SVEP1: variants seen among roughly 807,000 people sequenced by gnomAD.
The protein encoded by SVEP1 is sushi, von Willebrand factor type A, EGF and pentraxin domain-containing protein 1.
A neutral mutation model predicts 367.3 loss-of-function variants in SVEP1; 164 were observed. That is an observed-to-expected ratio of 0.45 (90% CI 0.39 to 0.51). SVEP1 has a LOEUF of 0.51. Ranked by LOEUF, SVEP1 falls within the 20% of genes least tolerant of loss-of-function variation. The pLI is 0.00. For synonymous variants in SVEP1, 1,666 were observed against 1,611.6 expected (o/e 1.03, Z -0.81); for missense variants, 4,117 against 4,425.3 (o/e 0.93, Z 1.98).
chr9:110,459,012 C>T lies in SVEP1; in HGVS notation c.3424G>A (p.Ala1142Thr), dbSNP rs749549770. 1 of 1,613,820 alleles carries T rather than the reference C, an allele frequency of 6.2e-7. No individual in the cohort carries two copies. The highest frequency in any genetic ancestry group is 1.1e-5 in the South Asian group (1 of 91,076). The change falls in exon 19 of 48, where the codon GCC becomes ACC. Residue 1142 changes from alanine to threonine, a missense_variant. Physicochemically the swap from Ala to Thr is moderately conservative, Grantham distance 58 (BLOSUM62 0). Transcript: ENST00000374469. ...GGGGTAGTTCCATAAAAGGGACAGGCCAGGCAGAAGGCCTTCCCTGCATTA... is the reference window on the plus strand; with the variant it reads ...GGGGTAGTTCCATAAAAGGGACAGGTCAGGCAGAAGGCCTTCCCTGCATTA... ...QPNAGKAFCL[A>T]CPFYGTTPFA...
intron 46 of SVEP1, among the ~76,000 whole-genome samples, chr9:110,374,029 A>G (rs567572598): frequency 1.3e-5 from 2 of 152,168 alleles, no homozygotes; most frequent in African/African-American, 4.8e-5. Flanking sequence ...GTTCAAGGGT[A>G]CATGTGCAGG....
chr9:110,399,339 C>T (rs1431481531), intron 40 of SVEP1, among the ~76,000 whole-genome samples: 1 of 136,320 alleles, frequency 7.3e-6, no homozygotes, highest in Non-Finnish European at 1.6e-5. Flanking sequence ...ACACTGGGTC[C>T]TGTTGTGGGG....
At chr9:110,461,942 G>A (rs1253740034) in intron 18 of SVEP1, among the ~76,000 whole-genome samples, 1 of 152,044 alleles carries the variant, frequency 6.6e-6, no homozygotes, top group African/African-American at 2.4e-5. Context: ...AGCTTAAAAT[G>A]GGTTTCCTCA....
At chr9:110,525,764 A>G (rs1254574183) in intron 3 of SVEP1, among the ~76,000 whole-genome samples, 1 of 147,636 alleles carries the variant, frequency 6.8e-6, no homozygotes, top group Non-Finnish European at 1.5e-5. Context: ...TGCCTGGCTG[A>G]TTTTTTTTTT....
chr9:110,376,280 C>CT (rs1270895658), intron 45 of SVEP1, among the ~76,000 whole-genome samples: 1 of 125,798 alleles, frequency 7.9e-6, no homozygotes, highest in Non-Finnish European at 1.9e-5. Context: ...GCCAGACCAG[C>CT]TAAGGCAGCC....
chr9:110,539,908 G>C (rs1279101759), intron 3 of SVEP1, among the ~76,000 whole-genome samples: 3 of 151,956 alleles, frequency 2.0e-5, no homozygotes, highest in African/African-American at 7.2e-5. Flanking sequence ...CTAGACTATA[G>C]ACTGTGCAGC....
At chr9:110,547,713 T>C (rs745775129) in intron 2 of SVEP1, among the ~76,000 whole-genome samples, 27 of 152,154 alleles carry the variant, frequency 1.8e-4, no homozygotes, top group Non-Finnish European at 2.9e-4. Flanking sequence ...CTATCGAGAA[T>C]GGCCAGAAAC....
At chr9:110,539,036 G>A (rs1479833759) in intron 3 of SVEP1, among the ~76,000 whole-genome samples, 2 of 152,036 alleles carry the variant, frequency 1.3e-5, no homozygotes, top group East Asian at 1.9e-4. Flanking sequence ...AGGCAAACAT[G>A]AAAATCTTGC....
intron 8 of SVEP1, among the ~76,000 whole-genome samples, chr9:110,490,601 A>T (rs1829353105): frequency 6.6e-6 from 1 of 151,748 alleles, no homozygotes; most frequent in Non-Finnish European, 1.5e-5. Flanking sequence ...TATTTTGCTT[A>T]TTTATTATTT....
chr9:110,455,375 C>T (rs1470177637), intron 22 of SVEP1, among the ~76,000 whole-genome samples: 2 of 152,186 alleles, frequency 1.3e-5, no homozygotes, highest in Non-Finnish European at 2.9e-5. Context: ...AAAGCAATTA[C>T]ATACTGCCAT....
rs1338595754 is a variant in SVEP1 at position 110,386,087 on chromosome 9, A to G, written c.10061-13T>C. On this transcript the variant is annotated splice_polypyrimidine_tract_variant and intron_variant, in intron 42 of 47. Transcript: ENST00000374469. ...GGGCATGGATTTGCTGTCAAAAAGA[A>G]AAGAAAATGCTTACTGATATTTCCC... 6.2e-7 allele frequency: 1 copy of G among 1,603,018 alleles called. No individual in the cohort carries two copies. Among genetic ancestry groups the G allele is most frequent in the African/African-American group, 1.3e-5 (1 of 74,376 alleles).
At chr9:110,478,880 G>A (rs1829141503) in intron 13 of SVEP1, among the ~76,000 whole-genome samples, 1 of 151,694 alleles carries the variant, frequency 6.6e-6, no homozygotes, top group Non-Finnish European at 1.5e-5. Flanking sequence ...CCTTGAAGAT[G>A]TTCAATACAG....
At chr9:110,458,115 T>C in intron 20 of SVEP1, 1 of 499,188 alleles carries the variant, frequency 2.0e-6, no homozygotes, top group Non-Finnish European at 3.9e-6. Context: ...GTTGGGTAAC[T>C]CTGCCTGCCA....
Position 110,570,267 on chromosome 9 carries a change from T to A in SVEP1, c.531+8746A>T, listed in dbSNP as rs118112096. On this transcript the variant is annotated intron_variant, in intron 1 of 47. Transcript: ENST00000374469. The stretch of plus-strand genomic sequence containing the variant: ...TGTAGACATGTCTTCACCTGGCAGC[T>A]TACTAGAGAAAAGATGAAGAACCAT... Among the ~76,000 whole-genome samples the A allele has an allele frequency of 3.9e-5, 6 of 152,314 alleles. No individual in the cohort carries two copies. In the East Asian group the frequency reaches 1.2e-3, roughly 29 times the overall value.
intron 27 of SVEP1, among the ~76,000 whole-genome samples, chr9:110,440,086 C>A (rs766481737): frequency 2.2e-4 from 32 of 147,686 alleles, no homozygotes; most frequent in Non-Finnish European, 4.1e-4. Flanking sequence ...ATGAAATGAA[C>A]ACAAACCACT....
In SVEP1 at chr9:110,400,920, C is replaced by G. The variant is rs1027975929; in HGVS notation, c.9756G>C (p.Val3252=). 1 of 1,613,790 alleles carries G rather than the reference C, an allele frequency of 6.2e-7. No individual in the cohort carries two copies. The highest frequency in any genetic ancestry group is 8.5e-7 in the Non-Finnish European group (1 of 1,179,858). ...GKPESPEHGF[V]VGSKYTFEST... is the part of the protein sequence containing the mutation. ...TTTCAAAGGTGTATTTACTGCCAACCACAAATCCATGTTCTGGACTTTCAG... is the reference window on the plus strand; with the variant it reads ...TTTCAAAGGTGTATTTACTGCCAACGACAAATCCATGTTCTGGACTTTCAG... Residue 3252 remains valine, a synonymous_variant, in exon 40 of 48, where the codon GTG becomes GTC. Transcript: ENST00000374469.
chr9:110,413,487 C>G (rs1326915406), intron 36 of SVEP1, among the ~76,000 whole-genome samples: 1 of 151,128 alleles, frequency 6.6e-6, no homozygotes, highest in Non-Finnish European at 1.5e-5. Flanking sequence ...CACATGTATA[C>G]ATATGTAACT....
rs747748488 is a variant in SVEP1, at chr9:110,429,311, G to C, written c.5639C>G (p.Ala1880Gly). 9 of 1,581,060 alleles carry C rather than the reference G, an allele frequency of 5.7e-6. No individual in the cohort carries two copies. The highest frequency in any genetic ancestry group is 7.7e-6 in the Non-Finnish European group (9 of 1,163,670). The change falls in exon 35 of 48, where the codon GCC (alanine) becomes GGC (glycine). Residue 1880 changes from alanine to glycine, a missense_variant. Coordinates refer to ENST00000374469, the MANE Select transcript of SVEP1 (RefSeq NM_153366.4). ...AAGACAGGATGATTCTTTATCACCG[G>C]CCAGAGTATATCCTTTATTACACCT... ...TYRCNKGYTL[A>G]GDKESSCLAN...
chr9:110,565,029 G>T (rs1044790494), intron 1 of SVEP1, among the ~76,000 whole-genome samples: 6 of 152,144 alleles, frequency 3.9e-5, no homozygotes, highest in Admixed American at 2.6e-4. Flanking sequence ...CTTGAAGAAA[G>T]ATTTTAGTAA....
Sources: allele counts gnomAD v4.1 joint callset (sites outside exome capture counted in the v4.1 genomes callset), GRCh38; gene constraint gnomAD v4.1.1; transcripts MANE v1.5; gene names NCBI Gene and HGNC (gene_info 2026-07-23, HGNC 2026-07-21).